The following NPTN variants were observed in gnomAD, a reference collection of about 807,000 sequenced individuals.
The protein encoded by NPTN is SDR-1.
In NPTN, 5 loss-of-function variants were observed where a neutral mutation model predicts 42.7. The ratio of observed to expected loss-of-function variants is 0.12; its 90% CI spans 0.06 to 0.25. The LOEUF (loss-of-function observed/expected upper bound fraction) is 0.25, where lower values mean the gene tolerates loss of function less well. Ranked by LOEUF, NPTN falls within the 10% of genes least tolerant of loss-of-function variation. The probability of loss-of-function intolerance (pLI) is 1.00; values close to 1 mark genes in which losing one functional copy is unlikely to be tolerated. For synonymous variants in NPTN, 180 were observed against 201.9 expected, an observed-to-expected ratio of 0.89 and a Z score of 0.92; for missense variants, 307 against 525.4, an observed-to-expected ratio of 0.58 and a Z score of 4.06.
In NPTN at chr15:73,569,023, G is replaced by A; in HGVS notation, c.1114+1127C>T. The A allele has an allele frequency of 1.0e-6, 1 of 985,374 alleles. No homozygotes were observed. Among genetic ancestry groups the A allele is most frequent in the East Asian group, 1.1e-4 (1 of 8,826 alleles). 61.0% of individuals were successfully genotyped at this position (985,374 alleles called of 1,614,324 possible). On this transcript the variant is annotated intron_variant, in intron 6 of 8. Transcript: ENST00000345330. The surrounding 1 kb of genome is among the most constrained non-coding windows in gnomAD (Gnocchi z 4.1). Reference sequence around the variant, plus strand: ...TTCTCCACTGGACAGCCAGCTCTGTGGGGCAGGATACAGCACCACAGGTGC... The same window carrying A: ...TTCTCCACTGGACAGCCAGCTCTGTAGGGCAGGATACAGCACCACAGGTGC...
chr15:73,609,068 T>C (rs919297399), intron 1 of NPTN, among the ~76,000 whole-genome samples: 1 of 152,146 alleles, frequency 6.6e-6, no homozygotes, highest in African/African-American at 2.4e-5. Flanking sequence ...AGAATGGAAC[T>C]TTCTACATAA....
chr15:73,587,933 T>G (rs1466417401), intron 3 of NPTN, among the ~76,000 whole-genome samples: 1 of 152,186 alleles, frequency 6.6e-6, no homozygotes, highest in African/African-American at 2.4e-5. Context: ...ATAGTTTATA[T>G]TCAGATATAC....
intron 2 of NPTN, among the ~76,000 whole-genome samples, chr15:73,593,101 C>T (rs961203864): frequency 3.9e-5 from 6 of 152,100 alleles, no homozygotes; most frequent in East Asian, 1.9e-4. Context: ...TTCTATTCTG[C>T]GCTTAGATAA....
intron 4 of NPTN, among the ~76,000 whole-genome samples, chr15:73,575,961 A>G (rs1895672276): frequency 6.6e-6 from 1 of 152,210 alleles, no homozygotes; most frequent in Non-Finnish European, 1.5e-5. Flanking sequence ...TTACTACAGA[A>G]GGAAGTGGTC....
At chr15:73,603,782 A>T (rs1393434699) in intron 1 of NPTN, among the ~76,000 whole-genome samples, 1 of 152,236 alleles carries the variant, frequency 6.6e-6, no homozygotes. Context: ...TTTACAAAAT[A>T]TAAGATGTAG....
At position 73,560,028 on chromosome 15, in the gene NPTN, GTTTTAT is replaced by G; in HGVS notation, c.*1029_*1034del. The G allele has an allele frequency of 9.6e-7, 1 of 1,046,150 alleles. No individual in the cohort carries two copies. Among genetic ancestry groups the G allele is most frequent in the Non-Finnish European group, 1.3e-6 (1 of 751,724 alleles). The allele number at this position is 1,046,150 out of a possible 1,614,324, so 64.8% of individuals were successfully genotyped here. ...TATTATCCAAACACCTTTTATCAAT[GTTTTAT>G]TTTTAAAAACAGGTGAATCCACTTT... On this transcript the variant is annotated 3_prime_UTR_variant, in exon 9 of 9. Coordinates refer to ENST00000345330, the MANE Select transcript of NPTN (RefSeq NM_012428.4).
chr15:73,566,895 C>T, intron 6 of NPTN: 3 of 400,262 alleles, frequency 7.5e-6, no homozygotes, highest in South Asian at 1.0e-4. Context: ...CTAGTGGGCA[C>T]TGATCCTCAA....
At chr15:73,611,926 A>AT (rs1001274275) in intron 1 of NPTN, among the ~76,000 whole-genome samples, 12 of 152,254 alleles carry the variant, frequency 7.9e-5, no homozygotes, top group Admixed American at 7.8e-4. Context: ...AATGCAGTCG[A>AT]TTTTTTTAAA....
At chr15:73,618,024 T>C (rs752225839) in intron 1 of NPTN, among the ~76,000 whole-genome samples, 7 of 152,258 alleles carry the variant, frequency 4.6e-5, no homozygotes, top group African/African-American at 9.6e-5. Flanking sequence ...CTATGCTCCA[T>C]GGGCAGACAT....
chr15:73,631,990 T>C (rs1213273237), intron 1 of NPTN, among the ~76,000 whole-genome samples: 1 of 152,196 alleles, frequency 6.6e-6, no homozygotes, highest in Admixed American at 6.5e-5. Context: ...GCCACTTTCA[T>C]GTTCCTCGGA....
At chr15:73,594,928 T>C (rs1371955074) in intron 2 of NPTN, among the ~76,000 whole-genome samples, 1 of 149,224 alleles carries the variant, frequency 6.7e-6, no homozygotes, top group Non-Finnish European at 1.5e-5. Context: ...AACAGTCCAA[T>C]TAGAGTTGGA....
At chr15:73,565,613 A>G (rs2141350628) in intron 6 of NPTN, among the ~76,000 whole-genome samples, 1 of 152,286 alleles carries the variant, frequency 6.6e-6, no homozygotes, top group South Asian at 2.1e-4. Flanking sequence ...ACAAATATCA[A>G]CATACCCCAA....
At chr15:73,608,253 C>A (rs1444315910) in intron 1 of NPTN, among the ~76,000 whole-genome samples, 4 of 152,180 alleles carry the variant, frequency 2.6e-5, no homozygotes, top group Non-Finnish European at 5.9e-5. Flanking sequence ...TTCAACCTTG[C>A]AAGACACAAG....
rs763141141 is a variant in NPTN at position 73,577,291 on chromosome 15, T to A, written c.707-3496A>T. On this transcript the variant is annotated intron_variant, in intron 4 of 8. Transcript: ENST00000345330. ...GGGGTTCACTCCCATTCCCACAATG[T>A]CCCCTATCAGCAGGAAGAAGCCAGA... is the stretch of plus-strand genomic sequence containing the variant. Among the ~76,000 whole-genome samples the A allele has an allele frequency of 3.3e-5, 5 of 152,268 alleles. No homozygotes were observed. In the South Asian group the frequency reaches 1.0e-3, roughly 32 times the overall value.
chr15:73,565,886 G>A (rs923717477), intron 6 of NPTN: 10 of 445,652 alleles, frequency 2.2e-5, no homozygotes, highest in African/African-American at 1.6e-4. Context: ...GCTCTGCAAT[G>A]TCTAGTAAAT....
At chr15:73,617,043 C>G (rs1366962613) in intron 1 of NPTN, among the ~76,000 whole-genome samples, 2 of 152,146 alleles carry the variant, frequency 1.3e-5, no homozygotes, top group African/African-American at 4.8e-5. Flanking sequence ...TTAGTAACAA[C>G]AGATGTATTC....
intron 1 of NPTN, among the ~76,000 whole-genome samples, chr15:73,621,051 G>A (rs531179791): frequency 6.6e-6 from 1 of 152,126 alleles, no homozygotes; most frequent in Non-Finnish European, 1.5e-5. Context: ...TTTATTTCAG[G>A]ATAGTAAAAG....
In NPTN at chr15:73,627,470, A is replaced by C. The variant is rs575566709; in HGVS notation, c.91+5655T>G. 5.4e-4 allele frequency among the ~76,000 whole-genome samples: 82 copies of C among 152,324 alleles called. 6 individuals are homozygous for C. The South Asian group carries it at 0.016, about 29-fold the overall frequency. ...AACACTCAGTTTATTTATTTGAAAA[A>C]CAAGAAACACAACAAGAAAACAGCA... On this transcript the variant is annotated intron_variant, in intron 1 of 8. Transcript: ENST00000345330.
chr15:73,630,236 C>T (rs1420802080), intron 1 of NPTN, among the ~76,000 whole-genome samples: 2 of 152,142 alleles, frequency 1.3e-5, no homozygotes, highest in Non-Finnish European at 2.9e-5. Context: ...CTGAAGTTTG[C>T]ATTACTCAAG....
Sources: allele counts gnomAD v4.1 joint callset (sites outside exome capture counted in the v4.1 genomes callset), GRCh38; gene constraint gnomAD v4.1.1; non-coding constraint Gnocchi (gnomAD v3.1); transcripts MANE v1.5; gene names NCBI Gene and HGNC (gene_info 2026-07-23, HGNC 2026-07-21).